GPHN: variants seen among roughly 807,000 people sequenced by gnomAD.
GPHN encodes gephyrin.
Under a neutral mutation model 95.5 loss-of-function variants are expected in GPHN, and 17 were observed. That is an observed-to-expected ratio of 0.18 (90% CI 0.12 to 0.27). The LOEUF (loss-of-function observed/expected upper bound fraction) is 0.27. GPHN is among the 10% of genes least tolerant of loss of function. The pLI is 1.00. For missense variants in GPHN, 660 were observed against 978.1 expected (o/e 0.67, Z 4.34); for synonymous variants, 320 against 322.5 (o/e 0.99, Z 0.08).
chr14:66,767,166 C>A (rs1029932482), intron 2 of GPHN, among the ~76,000 whole-genome samples: 11 of 151,920 alleles, frequency 7.2e-5, no homozygotes, highest in African/African-American at 2.7e-4. Flanking sequence ...TCATTATATT[C>A]ACTCTCTGTA....
intron 18 of GPHN, 35 bp downstream of exon 18, chr14:67,143,484 T>C: frequency 8.1e-7 from 1 of 1,236,020 alleles, no homozygotes; most frequent in Non-Finnish European, 1.2e-6. Flanking sequence ...ATGTATCTGC[T>C]GTAATGTTCT....
the GPHN span, chr14:67,691,271 G>C: frequency 6.5e-7 from 1 of 1,540,460 alleles, no homozygotes; most frequent in Non-Finnish European, 9.0e-7. Context: ...ATGGAGCGTG[G>C]AAGTGGCTAG....
chr14:67,249,606 A>G, the GPHN span, among the ~76,000 whole-genome samples: 1 of 152,338 alleles, frequency 6.6e-6, no homozygotes, highest in Non-Finnish European at 1.5e-5. Flanking sequence ...AAGTTCAAAT[A>G]TTAGAAATTT....
At chr14:67,177,975 G>T (rs1272422324) in intron 21 of GPHN, among the ~76,000 whole-genome samples, 2 of 152,054 alleles carry the variant, frequency 1.3e-5, no homozygotes, top group African/African-American at 4.8e-5. Context: ...ATGTGAGATG[G>T]GTCTCCTGAA....
intron 17 of GPHN, among the ~76,000 whole-genome samples, chr14:67,132,612 A>G (rs2079791162): frequency 6.6e-6 from 1 of 151,998 alleles, no homozygotes; most frequent in Non-Finnish European, 1.5e-5. Flanking sequence ...GTTCTTTCCG[A>G]TCTCAGTGAT....
chr14:67,637,256 A>G, the GPHN span, among the ~76,000 whole-genome samples: 187 of 151,828 alleles, frequency 1.2e-3, no homozygotes, highest in Non-Finnish European at 2.3e-3. Context: ...CTAAAACTAC[A>G]AAAATTAGCT....
the GPHN span, among the ~76,000 whole-genome samples, chr14:67,499,047 G>A: frequency 6.6e-6 from 1 of 151,774 alleles, no homozygotes; most frequent in Admixed American, 6.6e-5. Flanking sequence ...CTGTTGCCCA[G>A]GCTGGAGTTC....
chr14:66,929,054 CTTT>C (rs147521541), intron 8 of GPHN, among the ~76,000 whole-genome samples: 1,729 of 122,742 alleles, frequency 0.014, 15 homozygotes, highest in Middle Eastern at 0.025. Context: ...TCCAATGTTT[CTTT>C]TTTTTTTTTT....
the GPHN span, chr14:67,590,158 C>T: frequency 1.3e-6 from 2 of 1,550,482 alleles, no homozygotes; most frequent in Non-Finnish European, 1.7e-6. Flanking sequence ...AGCAGTCCAG[C>T]CGGGGCTTGG....
At chr14:67,454,106 A>AG in the GPHN span, 2 of 152,258 alleles carry the variant, frequency 1.3e-5, no homozygotes, top group Non-Finnish European at 2.9e-5. Flanking sequence ...GGGGCAGGGT[A>AG]GGGGGGTACT....
chr14:67,259,440 G>A, the GPHN span, among the ~76,000 whole-genome samples: 19 of 151,552 alleles, frequency 1.3e-4, no homozygotes, highest in Non-Finnish European at 1.6e-4. Flanking sequence ...GTGAAACCCC[G>A]TCTCTACTAA....
In GPHN at chr14:66,539,712, C is replaced by T. The variant is rs776367166; in HGVS notation, c.64+31121C>T. On this transcript the variant is annotated intron_variant, in intron 1 of 22. Coordinates refer to ENST00000478722, the MANE Select transcript of GPHN (RefSeq NM_020806.5). ...CTGGGATTACAGGTGTGAGCCACCA[C>T]GCCCAGCCTGCTTTCTACTTTCACC... Among the ~76,000 whole-genome samples the T allele has an allele frequency of 1.2e-4, 19 of 152,154 alleles. 1 individual carries two copies. The highest frequency in any genetic ancestry group is 2.1e-4 in the South Asian group (1 of 4,832).
the GPHN span, among the ~76,000 whole-genome samples, chr14:67,604,557 C>A: frequency 4.6e-5 from 7 of 151,602 alleles, no homozygotes; most frequent in Non-Finnish European, 1.0e-4. Flanking sequence ...AAACAAAAAG[C>A]TGGGCATGGT....
chr14:67,237,305 C>A, the GPHN span, among the ~76,000 whole-genome samples: 1 of 151,848 alleles, frequency 6.6e-6, no homozygotes, highest in Non-Finnish European at 1.5e-5. Context: ...CTAGTGAAAG[C>A]CAAGTTATGA....
At chr14:67,640,426 C>T in the GPHN span, among the ~76,000 whole-genome samples, 36 of 152,290 alleles carry the variant, frequency 2.4e-4, no homozygotes, top group Non-Finnish European at 4.4e-4. Flanking sequence ...ATATCTCTTG[C>T]GGTGGCAATT....
the GPHN span, among the ~76,000 whole-genome samples, chr14:67,291,030 T>C: frequency 6.6e-6 from 1 of 152,176 alleles, no homozygotes; most frequent in Non-Finnish European, 1.5e-5. Context: ...AAGAAGTTTA[T>C]AAGCATAGAA....
At chr14:67,404,183 T>C in the GPHN span, among the ~76,000 whole-genome samples, 13 of 152,196 alleles carry the variant, frequency 8.5e-5, no homozygotes, top group Admixed American at 8.5e-4. Context: ...TAGTGCCTGG[T>C]GTAGCTGCAG....
At chr14:67,176,419 G>A (rs542469331) in intron 21 of GPHN, among the ~76,000 whole-genome samples, 1 of 152,288 alleles carries the variant, frequency 6.6e-6, no homozygotes, top group South Asian at 2.1e-4. Context: ...GCATCCCAGG[G>A]ATGAAGCCCA....
chr14:67,357,046 T>C, the GPHN span, among the ~76,000 whole-genome samples: 28 of 152,340 alleles, frequency 1.8e-4, no homozygotes, highest in East Asian at 5.0e-3. Flanking sequence ...GCAATTTTAA[T>C]TCCTGAAACT....
Sources: gnomAD v4.1 joint callset for allele counts (sites outside exome capture counted in the v4.1 genomes callset) on GRCh38, gnomAD v4.1.1 for gene constraint, MANE v1.5 for transcripts, NCBI Gene and HGNC (gene_info 2026-07-23, HGNC 2026-07-21) for gene names.